The following PRELID2 variants were observed in gnomAD, a reference collection of about 807,000 sequenced individuals.
PRELID2 encodes the protein PRELI domain containing 2.
A neutral mutation model predicts 28.4 loss-of-function variants in PRELID2; 25 were observed. The observed-to-expected ratio is 0.88, with a 90% confidence interval of 0.64 to 1.23. The LOEUF (loss-of-function observed/expected upper bound fraction) is 1.23, where lower values mean the gene tolerates loss of function less well. Among genes scored for constraint, PRELID2 ranks in the 50% most tolerant of loss-of-function variants. The probability of loss-of-function intolerance (pLI) is 0.00; values close to 1 mark genes in which losing one functional copy is unlikely to be tolerated. For synonymous variants in PRELID2, 76 were observed against 71.6 expected (o/e 1.06, Z -0.31); for missense variants, 201 against 214.4 (o/e 0.94, Z 0.39).
At chr5:145,373,266 A>G in the PRELID2 span, among the ~76,000 whole-genome samples, 1 of 91,150 alleles carries the variant, frequency 1.1e-5, no homozygotes, top group East Asian at 3.6e-4. Flanking sequence ...TACAACATAT[A>G]TAATATATAT....
the PRELID2 span, among the ~76,000 whole-genome samples, chr5:145,369,615 A>G: frequency 6.6e-6 from 1 of 152,060 alleles, no homozygotes; most frequent in South Asian, 2.1e-4. Flanking sequence ...ATAATGATTT[A>G]TATTTCTTTG....
At chr5:145,607,757 C>A (rs1176779553) in intron 1 of PRELID2, among the ~76,000 whole-genome samples, 1 of 151,902 alleles carries the variant, frequency 6.6e-6, no homozygotes, top group East Asian at 1.9e-4. Flanking sequence ...GTCTGTTAGG[C>A]CTATTTGGTC....
intron 2 of PRELID2, 61 bp from the exon 3 acceptor site, chr5:145,820,079 C>A: frequency 1.1e-5 from 11 of 976,808 alleles, no homozygotes; most frequent in Non-Finnish European, 1.7e-5. Flanking sequence ...TTCTTAGTGT[C>A]AATAAATCTT....
the PRELID2 span, among the ~76,000 whole-genome samples, chr5:145,372,754 T>C: frequency 6.6e-5 from 10 of 150,490 alleles, no homozygotes; most frequent in Non-Finnish European, 1.2e-4. Context: ...GCATGTGGGA[T>C]GAGTCTCCTG....
chr5:145,511,091 GAAGGGT>G (rs1388491052), intron 1 of PRELID2, among the ~76,000 whole-genome samples: 1 of 152,188 alleles, frequency 6.6e-6, no homozygotes, highest in African/African-American at 2.4e-5. Context: ...TCTTGATTCA[GAAGGGT>G]AATGATGTCA....
chr5:145,440,552 G>T, the PRELID2 span, among the ~76,000 whole-genome samples: 1 of 152,114 alleles, frequency 6.6e-6, no homozygotes, highest in Non-Finnish European at 1.5e-5. Flanking sequence ...CACATGGAAA[G>T]TTCTTACAAT....
chr5:145,266,569 G>C, the PRELID2 span, among the ~76,000 whole-genome samples: 430 of 152,184 alleles, frequency 2.8e-3, 2 homozygotes, highest in African/African-American at 9.8e-3. Context: ...GGTGAAAAGA[G>C]AACACTTTTA....
At chr5:145,521,228 G>A (rs1320931646) in intron 1 of PRELID2, among the ~76,000 whole-genome samples, 1 of 152,162 alleles carries the variant, frequency 6.6e-6, no homozygotes, top group Non-Finnish European at 1.5e-5. Flanking sequence ...TATTTATAAT[G>A]AGGCACAGTG....
At chr5:145,492,943 C>T (rs541360123) in intron 1 of PRELID2, among the ~76,000 whole-genome samples, 1 of 140,564 alleles carries the variant, frequency 7.1e-6, no homozygotes, top group African/African-American at 2.5e-5. Flanking sequence ...GGGTGGTAAG[C>T]CCAGTGTTGG....
intron 1 of PRELID2, among the ~76,000 whole-genome samples, chr5:145,716,115 A>G (rs567136712): frequency 2.8e-4 from 42 of 152,278 alleles, no homozygotes; most frequent in Middle Eastern, 3.4e-3. Flanking sequence ...GTAGCCCAAG[A>G]CAACGATTCT....
At chr5:145,751,812 T>A (rs886782445), downstream of PRELID2, among the ~76,000 whole-genome samples, 10 of 152,092 alleles carry the variant, frequency 6.6e-5, no homozygotes, top group Non-Finnish European at 1.0e-4. Flanking sequence ...TGAAACCCCA[T>A]CTCTACTAAA....
At chr5:145,410,208 C>T in the PRELID2 span, among the ~76,000 whole-genome samples, 2 of 152,162 alleles carry the variant, frequency 1.3e-5, no homozygotes, top group Non-Finnish European at 2.9e-5. Flanking sequence ...CATAAAAATT[C>T]TAGAAAATAA....
At chr5:145,497,243 T>C (rs1445449601) in intron 1 of PRELID2, among the ~76,000 whole-genome samples, 1 of 152,194 alleles carries the variant, frequency 6.6e-6, no homozygotes, top group South Asian at 2.1e-4. Context: ...AGTCATCCAC[T>C]GTGCTTTTGT....
chr5:145,701,915 G>T (rs1330390842), intron 1 of PRELID2, among the ~76,000 whole-genome samples: 1 of 152,044 alleles, frequency 6.6e-6, no homozygotes, highest in African/African-American at 2.4e-5. Flanking sequence ...GCCGGGCGTG[G>T]TGGCACATGC....
chr5:145,583,227 G>A (rs571980234), intron 1 of PRELID2, among the ~76,000 whole-genome samples: 1 of 152,170 alleles, frequency 6.6e-6, no homozygotes, highest in Admixed American at 6.6e-5. Context: ...AAAGTCCTTT[G>A]ATAAAATTTA....
At chr5:145,752,655 C>T (rs1757154734), downstream of PRELID2, among the ~76,000 whole-genome samples, 1 of 152,190 alleles carries the variant, frequency 6.6e-6, no homozygotes, top group South Asian at 2.1e-4. Flanking sequence ...TAGTCAGTGA[C>T]AGCTATGACC....
the PRELID2 span, among the ~76,000 whole-genome samples, chr5:145,249,749 G>C: frequency 6.6e-6 from 1 of 152,040 alleles, no homozygotes; most frequent in Non-Finnish European, 1.5e-5. Context: ...TCAGTTCTCT[G>C]TTTTGTAATG....
chr5:145,425,869 CA>C, the PRELID2 span, among the ~76,000 whole-genome samples: 1 of 152,040 alleles, frequency 6.6e-6, no homozygotes. Context: ...AATAATTCAG[CA>C]AAAGTTTAAA....
At chr5:145,368,222 C>G in the PRELID2 span, among the ~76,000 whole-genome samples, 1 of 151,848 alleles carries the variant, frequency 6.6e-6, no homozygotes, top group Non-Finnish European at 1.5e-5. Context: ...GTACATGGCA[C>G]TATTAACAAA....
Sources: allele counts gnomAD v4.1 joint callset (sites outside exome capture counted in the v4.1 genomes callset), GRCh38; gene constraint gnomAD v4.1.1; transcripts MANE v1.5; gene names NCBI Gene and HGNC (gene_info 2026-07-23, HGNC 2026-07-21).